FYN: variants seen among roughly 807,000 people sequenced by gnomAD.
FYN encodes FYN proto-oncogene, Src family tyrosine kinase.
Under a neutral mutation model 70.2 loss-of-function variants are expected in FYN, and 10 were observed. That is an observed-to-expected ratio of 0.14 (90% CI 0.09 to 0.24). FYN has a LOEUF of 0.24. FYN is among the 10% of genes least tolerant of loss of function. FYN has a pLI of 1.00. For missense variants in FYN, 319 were observed against 673.1 expected, an observed-to-expected ratio of 0.47 and a Z score of 5.82; for synonymous variants, 236 against 248.6, an observed-to-expected ratio of 0.95 and a Z score of 0.48.
chr6:111,767,447 G>A (rs748201297), intron 3 of FYN, among the ~76,000 whole-genome samples: 1 of 152,144 alleles, frequency 6.6e-6, no homozygotes, highest in Non-Finnish European at 1.5e-5. Context: ...TGTTGCCCAG[G>A]CTGGAGTGCA....
rs374797994 is a variant in FYN at position 111,661,745 on chromosome 6, G to A, written c.1608C>T (p.Asn536=). ...ATEPQYQPGE[N]L is the part of the protein sequence containing the mutation. ...CTCTCCGCAGACCCGGGCCTTACAG[G>A]TTTTCACCAGGTTGGTACTGGGGCT... The change falls in exon 14 of 14, where the codon AAC becomes AAT. Residue 536 remains asparagine (N), a synonymous_variant. Coordinates refer to ENST00000354650, the MANE Select transcript of FYN (RefSeq NM_002037.5). This position sits in a 1 kb window ranked among gnomAD's most constrained non-coding sequence, Gnocchi z 4.0. The A allele has an allele frequency of 9.3e-6, 15 of 1,613,840 alleles. No homozygotes were observed. Among genetic ancestry groups the A allele is most frequent in the Middle Eastern group, 1.6e-4 (1 of 6,082 alleles).
chr6:111,855,002 T>G (rs1339465643), intron 1 of FYN, among the ~76,000 whole-genome samples: 1 of 152,078 alleles, frequency 6.6e-6, no homozygotes, highest in African/African-American at 2.4e-5. Context: ...GGATGAAATG[T>G]CTGTTGTTCC....
chr6:111,763,897 T>G (rs1405424446), intron 3 of FYN, among the ~76,000 whole-genome samples: 1 of 152,172 alleles, frequency 6.6e-6, no homozygotes, highest in Non-Finnish European at 1.5e-5. Flanking sequence ...ATGGGTGCTG[T>G]GCAGATTAAA....
intron 2 of FYN, among the ~76,000 whole-genome samples, chr6:111,795,319 G>A (rs1453244397): frequency 1.3e-5 from 2 of 152,192 alleles, no homozygotes; most frequent in Admixed American, 6.5e-5. Context: ...GAAAGGCCAT[G>A]TAAGGACAAA....
intron 3 of FYN, among the ~76,000 whole-genome samples, chr6:111,758,477 T>A (rs1163092120): frequency 6.6e-6 from 1 of 152,200 alleles, no homozygotes; most frequent in African/African-American, 2.4e-5. Flanking sequence ...AAATCCACCA[T>A]AATGAAAATG....
chr6:111,794,620 C>CA (rs548253282), intron 2 of FYN, among the ~76,000 whole-genome samples: 3 of 152,112 alleles, frequency 2.0e-5, no homozygotes, highest in South Asian at 4.2e-4. Context: ...TAAATGGTCA[C>CA]AAAAAATCAA....
chr6:111,710,481 A>G (rs1489563224), intron 5 of FYN, among the ~76,000 whole-genome samples: 1 of 152,180 alleles, frequency 6.6e-6, no homozygotes, highest in Admixed American at 6.5e-5. Flanking sequence ...ATGAATCAGG[A>G]ATTCATGATT....
At chr6:111,726,881 A>C (rs1318043274) in intron 3 of FYN, among the ~76,000 whole-genome samples, 1 of 152,090 alleles carries the variant, frequency 6.6e-6, no homozygotes, top group African/African-American at 2.4e-5. Context: ...TGGTTTTATA[A>C]GCATCTGGCA....
intron 3 of FYN, among the ~76,000 whole-genome samples, chr6:111,777,291 T>C (rs2128504699): frequency 6.6e-6 from 1 of 152,354 alleles, no homozygotes; most frequent in Middle Eastern, 3.4e-3. Flanking sequence ...TCCACTCTGA[T>C]GATTTTCTGA....
chr6:111,703,958 G>T (rs1451955585), intron 7 of FYN, 41 bp downstream of exon 7: 1 of 1,485,756 alleles, frequency 6.7e-7, no homozygotes, highest in East Asian at 2.3e-5. Flanking sequence ...CTAATCCACA[G>T]ATTTGAATGA....
At position 111,704,121 on chromosome 6, in the gene FYN, A is replaced by G. The variant is rs773281740; in HGVS notation, c.444-19T>C. ...GTACCACCTTTAAATTAGATCAAGGAAAGAAAATATTTTGAAATAGTCATT... is the reference window on the plus strand; with the variant it reads ...GTACCACCTTTAAATTAGATCAAGGGAAGAAAATATTTTGAAATAGTCATT... On this transcript the variant is annotated intron_variant, in intron 6 of 13. Transcript: ENST00000354650. The G allele has an allele frequency of 9.8e-5, 157 of 1,599,970 alleles. No individual in the cohort carries two copies. The highest frequency in any genetic ancestry group is 1.3e-4 in the Non-Finnish European group (152 of 1,168,708).
At chr6:111,859,869 TTAAGAA>T (rs1461544113) in intron 1 of FYN, among the ~76,000 whole-genome samples, 1 of 152,078 alleles carries the variant, frequency 6.6e-6, no homozygotes, top group African/African-American at 2.4e-5. Context: ...TGTAATTAAG[TTAAGAA>T]TATCAAGATA....
chr6:111,859,787 AAAAC>A (rs927438992), intron 1 of FYN, among the ~76,000 whole-genome samples: 6 of 152,218 alleles, frequency 3.9e-5, no homozygotes, highest in African/African-American at 1.4e-4. Flanking sequence ...ACAAAAAACA[AAAAC>A]AAAAAACACA....
intron 3 of FYN, chr6:111,740,989 C>T (rs2128478916): frequency 6.6e-6 from 1 of 151,960 alleles, no homozygotes; most frequent in South Asian, 2.1e-4. Context: ...ACCTGTGGTC[C>T]CAGCTACTTG....
At chr6:111,688,911 C>T (rs1799173145) in intron 12 of FYN, among the ~76,000 whole-genome samples, 1 of 152,174 alleles carries the variant, frequency 6.6e-6, no homozygotes, top group South Asian at 2.1e-4. Context: ...TGGTGACTGC[C>T]CAGATCCACT....
intron 1 of FYN, among the ~76,000 whole-genome samples, chr6:111,846,910 A>G (rs1773545539): frequency 6.6e-6 from 1 of 152,128 alleles, no homozygotes; most frequent in Non-Finnish European, 1.5e-5. Context: ...GTGTGTACAC[A>G]CACACATACA....
chr6:111,748,404 C>G (rs147725228), intron 3 of FYN, among the ~76,000 whole-genome samples: 1 of 152,230 alleles, frequency 6.6e-6, no homozygotes, highest in African/African-American at 2.4e-5. Context: ...TTAGCAGGAG[C>G]TGGACCATGT....
In FYN at chr6:111,694,263, G is replaced by A; in HGVS notation, c.1273+112C>T. On this transcript the variant is annotated intron_variant, in intron 12 of 13. Transcript: ENST00000354650. This position sits in a 1 kb window ranked among gnomAD's most constrained non-coding sequence, Gnocchi z 5.0. ...AGGTGTCCAAACCAAGCTGAAGAAT[G>A]ACATTTCAAGTATTTTCTGAAGGAA... is the stretch of plus-strand genomic sequence containing the variant. 1 of 1,378,306 alleles carries A rather than the reference G, an allele frequency of 7.3e-7. No individual in the cohort carries two copies. The highest frequency in any genetic ancestry group is 1.0e-6 in the Non-Finnish European group (1 of 993,838). The allele number at this position is 1,378,306 out of a possible 1,614,324, so 85.4% of individuals were successfully genotyped here.
At chr6:111,742,645 A>G (rs1802029178) in intron 3 of FYN, among the ~76,000 whole-genome samples, 2 of 152,268 alleles carry the variant, frequency 1.3e-5, no homozygotes, top group African/African-American at 4.8e-5. Flanking sequence ...AAAGGCCCTA[A>G]TAGGCTTTGC....
Sources: allele counts gnomAD v4.1 joint callset (sites outside exome capture counted in the v4.1 genomes callset), GRCh38; gene constraint gnomAD v4.1.1; non-coding constraint Gnocchi (gnomAD v3.1); transcripts MANE v1.5; gene names NCBI Gene and HGNC (gene_info 2026-07-23, HGNC 2026-07-21).